Variants in TNIP2 observed in about 807,000 individuals in gnomAD.
TNIP2 encodes TNFAIP3-interacting protein 2.
In TNIP2, 30 loss-of-function variants were observed where a neutral mutation model predicts 43.7. That is an observed-to-expected ratio of 0.69 (90% CI 0.51 to 0.93). The LOEUF is 0.93. TNIP2 is among the 40% of genes least tolerant of loss of function. The probability of loss-of-function intolerance (pLI) is 0.00; values close to 1 mark genes in which losing one functional copy is unlikely to be tolerated. For missense variants in TNIP2, 599 were observed against 591.0 expected (o/e 1.01, Z -0.14); for synonymous variants, 260 against 254.6 (o/e 1.02, Z -0.20).
intron 1 of TNIP2, among the ~76,000 whole-genome samples, chr4:2,754,991 T>G (rs556009669): frequency 8.5e-5 from 13 of 152,288 alleles, no homozygotes; most frequent in Non-Finnish European, 1.6e-4. Flanking sequence ...CCGAAAGTAC[T>G]GGGATTACAG....
intron 1 of TNIP2, among the ~76,000 whole-genome samples, chr4:2,755,531 C>T (rs1225770174): frequency 6.7e-6 from 1 of 148,974 alleles, no homozygotes; most frequent in Non-Finnish European, 1.5e-5. Context: ...CCCGCAGGAC[C>T]CAGAGCCCCC....
rs1721868911 is a variant in TNIP2, at chr4:2,744,056, G to T, written c.1026+331C>A. Among the ~76,000 whole-genome samples the T allele has an allele frequency of 6.6e-6, 1 of 152,228 alleles. No homozygotes were observed. The highest frequency in any genetic ancestry group is 2.4e-5 in the African/African-American group (1 of 41,462). On this transcript the variant is annotated intron_variant, in intron 5 of 5. Coordinates refer to ENST00000315423, the MANE Select transcript of TNIP2 (RefSeq NM_024309.4). The surrounding 1 kb of genome is among the most constrained non-coding windows in gnomAD (Gnocchi z 5.1). ...AAGCGGGGTTCCCGTCTCACAGACA[G>T]GTCAGGACACGTAGGGAGCTCACAC... is the stretch of plus-strand genomic sequence containing the variant.
At chr4:2,747,192 T>C (rs1721970010) in intron 2 of TNIP2, among the ~76,000 whole-genome samples, 1 of 152,248 alleles carries the variant, frequency 6.6e-6, no homozygotes, top group Admixed American at 6.5e-5. Flanking sequence ...TCAGACACAC[T>C]GAGCCTGAAG....
In TNIP2 at chr4:2,756,306, G is replaced by T. The variant is rs1043694364; in HGVS notation, c.-17C>A. 4.9e-6 allele frequency: 6 copies of T among 1,217,924 alleles called. No individual in the cohort carries two copies. Among genetic ancestry groups the T allele is most frequent in the Non-Finnish European group, 6.1e-6 (6 of 979,796 alleles). The allele number at this position is 1,217,924 out of a possible 1,614,324, so 75.4% of individuals were successfully genotyped here. A position where few individuals can be genotyped will look rare whatever the true frequency, so the allele number is the denominator to read the frequency against. On this transcript the variant is annotated 5_prime_UTR_variant, in exon 1 of 6. Coordinates refer to ENST00000315423, the MANE Select transcript of TNIP2 (RefSeq NM_024309.4). Reference sequence around the variant, plus strand: ...CCGGGACATGGCTGTAGGCCCGCCCGGGAGGCCGCGCGGCCGCCGGCAACT... The same window carrying T: ...CCGGGACATGGCTGTAGGCCCGCCCTGGAGGCCGCGCGGCCGCCGGCAACT...
At chr4:2,749,475 T>G (rs768193655) in intron 1 of TNIP2, among the ~76,000 whole-genome samples, 9 of 152,198 alleles carry the variant, frequency 5.9e-5, no homozygotes, top group Non-Finnish European at 8.8e-5. Flanking sequence ...ACGGGACTGG[T>G]GTCCTTGTAA....
At chr4:2,743,121 C>T (rs974199825) in intron 5 of TNIP2, among the ~76,000 whole-genome samples, 4 of 152,202 alleles carry the variant, frequency 2.6e-5, no homozygotes, top group Non-Finnish European at 5.9e-5. Context: ...GGTGCTTCCA[C>T]TTCCTGTCTG....
At position 2,745,534 on chromosome 4, in the gene TNIP2, G is replaced by C. The variant is rs528154173; in HGVS notation, c.569C>G (p.Ser190Trp). 3.1e-6 allele frequency: 5 copies of C among 1,611,442 alleles called. No homozygotes were observed. In the East Asian group the frequency reaches 8.9e-5, roughly 29 times the overall value. Residue 190 changes from serine to tryptophan, a missense_variant and splice_region_variant, in exon 3 of 6, where the codon TCG becomes TGG. By Grantham distance (177) the Ser-to-Trp change is radical. Coordinates refer to ENST00000315423, the MANE Select transcript of TNIP2 (RefSeq NM_024309.4). The part of the protein sequence containing the change: ...RNVGERSPDQ[S>W]EHTDGHTSVQ... ...AGAGGTGTGCCCATCTGTGTGTTCC[G>C]ACTGCATGAGGAAGGGACAGAGAGA... is the stretch of plus-strand genomic sequence containing the variant.
At position 2,741,861 on chromosome 4, in the gene TNIP2, T is replaced by G; in HGVS notation, c.*396A>C. On this transcript the variant is annotated 3_prime_UTR_variant, in exon 6 of 6. Coordinates refer to ENST00000315423, the MANE Select transcript of TNIP2 (RefSeq NM_024309.4). ...TGGTTCGAGGCAGAGAGGCGACGCTTTATTCCATAGAACAGGATGGGGCTC... is the reference window on the plus strand; with the variant it reads ...TGGTTCGAGGCAGAGAGGCGACGCTGTATTCCATAGAACAGGATGGGGCTC... 5.8e-6 allele frequency: 1 copy of G among 172,990 alleles called. No individual in the cohort carries two copies. 10.7% of individuals were successfully genotyped at this position (172,990 alleles called of 1,614,324 possible).
At position 2,756,335 on chromosome 4, in the gene TNIP2, G is replaced by A; in HGVS notation, c.-46C>T. 2 of 1,146,462 alleles carry A rather than the reference G, an allele frequency of 1.7e-6. No homozygotes were observed. The highest frequency in any genetic ancestry group is 1.1e-6 in the Non-Finnish European group (1 of 922,350). The allele number at this position is 1,146,462 out of a possible 1,614,324, so 71.0% of individuals were successfully genotyped here. A position where few individuals can be genotyped will look rare whatever the true frequency, so the allele number is the denominator to read the frequency against. On this transcript the variant is annotated 5_prime_UTR_variant, in exon 1 of 6. Coordinates refer to ENST00000315423, the MANE Select transcript of TNIP2 (RefSeq NM_024309.4). ...GGCCGCGCGGCCGCCGGCAACTTCCGCGCCCGGGCCCCGCCGGCTGCCGCC... is the reference window on the plus strand; with the variant it reads ...GGCCGCGCGGCCGCCGGCAACTTCCACGCCCGGGCCCCGCCGGCTGCCGCC...
rs1367736738 is a variant in TNIP2, at chr4:2,741,687, A to G, written c.*570T>C. 1 of 152,320 alleles carries G rather than the reference A, an allele frequency of 6.6e-6. No homozygotes were observed. The highest frequency in any genetic ancestry group is 1.5e-5 in the Non-Finnish European group (1 of 68,092). 9.4% of individuals were successfully genotyped at this position (152,320 alleles called of 1,614,324 possible). On this transcript the variant is annotated 3_prime_UTR_variant, in exon 6 of 6. Coordinates refer to ENST00000315423, the MANE Select transcript of TNIP2 (RefSeq NM_024309.4). ...AGTCACAGCAGCAAGAACGTTTATT[A>G]TAAAAATAGGTGAATAAAGTAAGTG...
In TNIP2 at chr4:2,744,244, C is replaced by T. The variant is rs1328095029; in HGVS notation, c.1026+143G>A. 1.3e-5 allele frequency: 13 copies of T among 1,029,856 alleles called. No homozygotes were observed. Among genetic ancestry groups the T allele is most frequent in the Non-Finnish European group, 1.7e-5 (12 of 712,658 alleles). The allele number at this position is 1,029,856 out of a possible 1,614,324, so 63.8% of individuals were successfully genotyped here. The stretch of plus-strand genomic sequence containing the variant: ...CGCCCAGGTACCAGGCCAGGTGGCT[C>T]TCCCCACAGCAGGGAGGGGCTCGCC... On this transcript the variant is annotated intron_variant, in intron 5 of 5. Coordinates refer to ENST00000315423, the MANE Select transcript of TNIP2 (RefSeq NM_024309.4). The surrounding 1 kb of genome is among the most constrained non-coding windows in gnomAD (Gnocchi z 5.1).
chr4:2,754,405 C>A (rs1053533205), intron 1 of TNIP2, among the ~76,000 whole-genome samples: 1 of 152,138 alleles, frequency 6.6e-6, no homozygotes, highest in Non-Finnish European at 1.5e-5. Flanking sequence ...AGAAGAAAGT[C>A]AGGATTTGCG....
Position 2,756,115 on chromosome 4 carries a change from C to T in TNIP2, c.175G>A (p.Ala59Thr). The change falls in exon 1 of 6, where the codon GCC (alanine) becomes ACC (threonine). Residue 59 changes from alanine to threonine, a missense_variant. Ala to Thr is a moderately conservative substitution (Grantham distance 58). Transcript: ENST00000315423. The part of the protein sequence containing the change: ...RARLAALEGD[A>T]APSLVDALLE... ...AGCGCGTCCACTAGGGACGGCGCGGCGTCCCCCTCCAGCGCGGCCAGGCGG... is the reference window on the plus strand; with the variant it reads ...AGCGCGTCCACTAGGGACGGCGCGGTGTCCCCCTCCAGCGCGGCCAGGCGG... 6.7e-7 allele frequency: 1 copy of T among 1,482,400 alleles called. No individual in the cohort carries two copies. Among genetic ancestry groups the T allele is most frequent in the Non-Finnish European group, 8.9e-7 (1 of 1,125,634 alleles). 91.8% of individuals were successfully genotyped at this position (1,482,400 alleles called of 1,614,324 possible).
intron 3 of TNIP2, 175 bp downstream of exon 3, chr4:2,745,271 G>A (rs1721915317): frequency 1.6e-6 from 1 of 628,694 alleles, no homozygotes; most frequent in East Asian, 2.7e-5. Flanking sequence ...GAGATGGACA[G>A]GACATGTCCC....
rs181167376 is a variant in TNIP2, at chr4:2,748,916, G to A, written c.277-971C>T. On this transcript the variant is annotated intron_variant, in intron 1 of 5. Transcript: ENST00000315423. ...CCCAAGCGATTCTCCATCCTAACCTGAGTAGCTGGGACTACAGGCACGTGC... is the reference window on the plus strand; with the variant it reads ...CCCAAGCGATTCTCCATCCTAACCTAAGTAGCTGGGACTACAGGCACGTGC... Among the ~76,000 whole-genome samples, 830 of 151,622 alleles carry A rather than the reference G, an allele frequency of 5.5e-3. 3 individuals are homozygous for A. Among genetic ancestry groups the A allele is most frequent in the Middle Eastern group, 0.01 (3 of 294 alleles).
At chr4:2,745,009 C>T in intron 3 of TNIP2, 64 bp from the exon 4 acceptor site, 1 of 1,542,184 alleles carries the variant, frequency 6.5e-7, no homozygotes, top group Admixed American at 2.0e-5. Flanking sequence ...AAGCCAGCAC[C>T]CAGTGTGAAT....
chr4:2,756,162 G>C lies in TNIP2; in HGVS notation c.128C>G (p.Ala43Gly). Residue 43 changes from alanine to glycine, a missense_variant, in exon 1 of 6, where the codon GCC (alanine) becomes GGC (glycine). Ala to Gly is a moderately conservative substitution (Grantham distance 60, BLOSUM62 0). Coordinates refer to ENST00000315423, the MANE Select transcript of TNIP2 (RefSeq NM_024309.4). ...GCGGGCGCGGAGGCGAGCGATGAGG[G>C]CGTCGCGGGCAGCGAGCTGGTCCTG... The part of the protein sequence containing the change: ...RLQDQLAARD[A>G]LIARLRARLA... The C allele has an allele frequency of 6.8e-7, 1 of 1,477,874 alleles. No individual in the cohort carries two copies. Among genetic ancestry groups the C allele is most frequent in the Non-Finnish European group, 8.9e-7 (1 of 1,122,250 alleles). 91.5% of individuals were successfully genotyped at this position (1,477,874 alleles called of 1,614,324 possible).
Position 2,742,521 on chromosome 4 carries a change from C to T in TNIP2, c.1027-1G>A. On this transcript the variant is annotated splice_acceptor_variant, in intron 5 of 5. Coordinates refer to ENST00000315423, the MANE Select transcript of TNIP2 (RefSeq NM_024309.4). LOFTEE classifies it high-confidence loss of function. ...GGCCGGCGTCTGGCTCTCGAGAATC[C>T]TGGAGAAAAGGCAAGGGTGTATATA... The T allele has an allele frequency of 1.9e-6, 3 of 1,578,420 alleles. No homozygotes were observed. The highest frequency in any genetic ancestry group is 2.6e-6 in the Non-Finnish European group (3 of 1,157,816).
chr4:2,755,842 C>T, intron 1 of TNIP2, 172 bp downstream of exon 1: 2 of 977,136 alleles, frequency 2.0e-6, no homozygotes, highest in Non-Finnish European at 2.7e-6. Context: ...CCCCTCAACT[C>T]CCAGGACCTG....
Sources: gnomAD v4.1 joint callset for allele counts (sites outside exome capture counted in the v4.1 genomes callset) on GRCh38, gnomAD v4.1.1 for gene constraint, Gnocchi (gnomAD v3.1) non-coding constraint, MANE v1.5 for transcripts, NCBI Gene and HGNC (gene_info 2026-07-23, HGNC 2026-07-21) for gene names.